NRXN1: variants seen among roughly 807,000 people sequenced by gnomAD.
NRXN1 encodes neurexin 1.
A neutral mutation model predicts 150.9 loss-of-function variants in NRXN1; 39 were observed. That is an observed-to-expected ratio of 0.26 (90% confidence interval 0.20 to 0.34). The LOEUF is 0.34. Among genes scored for constraint, NRXN1 ranks in the 10% least tolerant of loss-of-function variants. The pLI is 1.00. For synonymous variants in NRXN1, 924 were observed against 757.0 expected, an observed-to-expected ratio of 1.22 and a Z score of -3.62; for missense variants, 1,815 against 1,949.9, an observed-to-expected ratio of 0.93 and a Z score of 1.30.
At chr2:49,955,045 A>G (rs1674680355) in intron 21 of NRXN1, among the ~76,000 whole-genome samples, 1 of 152,196 alleles carries the variant, frequency 6.6e-6, no homozygotes, top group African/African-American at 2.4e-5. Context: ...AGCTTAGTTA[A>G]AAGTGAGGGA....
intron 17 of NRXN1, among the ~76,000 whole-genome samples, chr2:50,242,333 A>G (rs2066079908): frequency 6.6e-6 from 1 of 151,840 alleles, no homozygotes; most frequent in Admixed American, 6.6e-5. Flanking sequence ...AGAAGACCAC[A>G]TTGTATGCAA....
chr2:50,075,908 C>G (rs908186380), intron 19 of NRXN1, among the ~76,000 whole-genome samples: 33 of 152,148 alleles, frequency 2.2e-4, no homozygotes, highest in African/African-American at 7.7e-4. Context: ...CGCTGGGACT[C>G]TGGGGCAGCA....
intron 5 of NRXN1, among the ~76,000 whole-genome samples, chr2:50,739,870 C>G (rs1417227290): frequency 1.4e-4 from 21 of 151,954 alleles, no homozygotes; most frequent in Admixed American, 1.4e-3. Flanking sequence ...CTTTTATTGT[C>G]ATTGAAACAT....
intron 17 of NRXN1, among the ~76,000 whole-genome samples, chr2:50,376,686 A>T (rs1166651337): frequency 6.6e-6 from 1 of 152,160 alleles, no homozygotes; most frequent in African/African-American, 2.4e-5. Context: ...ACATAGAGAT[A>T]ATTTTCTCTG....
chr2:50,673,084 G>C (rs1015959177), intron 5 of NRXN1, among the ~76,000 whole-genome samples: 5 of 152,028 alleles, frequency 3.3e-5, no homozygotes, highest in Non-Finnish European at 5.9e-5. Flanking sequence ...ATATTTGAAA[G>C]GAGTGGAGAA....
chr2:50,426,624 C>G (rs1407457128), intron 17 of NRXN1, among the ~76,000 whole-genome samples: 1 of 152,134 alleles, frequency 6.6e-6, no homozygotes, highest in Non-Finnish European at 1.5e-5. Context: ...TGTACCAATT[C>G]TTTAGAGGTC....
At chr2:50,173,473 A>G (rs1463908670) in intron 18 of NRXN1, among the ~76,000 whole-genome samples, 1 of 152,198 alleles carries the variant, frequency 6.6e-6, no homozygotes, top group Non-Finnish European at 1.5e-5. Context: ...TGAGTACAGT[A>G]TCCAAAACTA....
intron 17 of NRXN1, among the ~76,000 whole-genome samples, chr2:50,461,014 GT>G (rs1164503049): frequency 2.0e-5 from 3 of 151,834 alleles, no homozygotes; most frequent in African/African-American, 7.3e-5. Flanking sequence ...TCAGATCCAG[GT>G]TTTTAAAAAT....
intron 18 of NRXN1, among the ~76,000 whole-genome samples, chr2:50,193,743 G>A (rs942664692): frequency 2.0e-5 from 3 of 151,916 alleles, no homozygotes; most frequent in African/African-American, 7.3e-5. Context: ...GAAAAATGGG[G>A]TCAATTATTG....
intron 21 of NRXN1, among the ~76,000 whole-genome samples, chr2:50,048,499 C>G (rs1388425525): frequency 6.6e-6 from 1 of 151,954 alleles, no homozygotes; most frequent in African/African-American, 2.4e-5. Flanking sequence ...ATTTTGTTAG[C>G]TCTAAATATT....
rs559601910 is a variant in NRXN1, at chr2:49,920,816, TGA to T, written c.*1126_*1127del. The T allele has an allele frequency of 9.1e-4, 139 of 152,526 alleles. No homozygotes were observed. Among genetic ancestry groups the T allele is most frequent in the African/African-American group, 3.2e-3 (131 of 41,480 alleles). 9.4% of individuals were successfully genotyped at this position (152,526 alleles called of 1,614,324 possible). On this transcript the variant is annotated 3_prime_UTR_variant, in exon 23 of 23. Coordinates refer to ENST00000401669, the MANE Select transcript of NRXN1 (RefSeq NM_001330078.2). ...ATTATAAGATACATATGTATATATG[TGA>T]CTTTCTAATTCACACCTTTCATACA... is the stretch of plus-strand genomic sequence containing the variant.
chr2:50,556,187 AT>A (rs1177651836), intron 8 of NRXN1, among the ~76,000 whole-genome samples: 2 of 152,022 alleles, frequency 1.3e-5, no homozygotes, highest in Non-Finnish European at 2.9e-5. Flanking sequence ...TAATTACCCT[AT>A]TTTTCTAAAG....
At chr2:50,843,114 G>T (rs1255522172) in intron 5 of NRXN1, among the ~76,000 whole-genome samples, 6 of 152,068 alleles carry the variant, frequency 3.9e-5, no homozygotes, top group African/African-American at 1.2e-4. Flanking sequence ...TGGCTACCTG[G>T]AATATAAGAC....
chr2:50,062,889 C>T (rs76484461), intron 19 of NRXN1, among the ~76,000 whole-genome samples: 2,141 of 152,138 alleles, frequency 0.014, 52 homozygotes, highest in African/African-American at 0.049. Context: ...AACATTTGTG[C>T]AGAATAATAT....
chr2:50,573,498 A>G (rs919372776), intron 8 of NRXN1, among the ~76,000 whole-genome samples: 2 of 152,176 alleles, frequency 1.3e-5, no homozygotes. Context: ...TATAAGAAAT[A>G]TAAATGTATT....
chr2:50,530,106 T>C (rs1292358927), intron 11 of NRXN1, among the ~76,000 whole-genome samples: 1 of 152,166 alleles, frequency 6.6e-6, no homozygotes, highest in Non-Finnish European at 1.5e-5. Flanking sequence ...CATTTCTATA[T>C]ACGTGTGTTT....
In NRXN1 at chr2:49,919,230, T is replaced by G. The variant is rs1667799000; in HGVS notation, c.*2714A>C. Reference sequence around the variant, plus strand: ...ACTATGCAGGGAACCCTGATATGTTTGGTATGAAGATACTTGGGATTCAAG... The same window carrying G: ...ACTATGCAGGGAACCCTGATATGTTGGGTATGAAGATACTTGGGATTCAAG... On this transcript the variant is annotated 3_prime_UTR_variant, in exon 23 of 23. Transcript: ENST00000401669. The G allele has an allele frequency of 6.6e-6, 1 of 152,190 alleles. No homozygotes were observed. The highest frequency in any genetic ancestry group is 2.4e-5 in the African/African-American group (1 of 41,472). The allele number at this position is 152,190 out of a possible 1,614,324, so 9.4% of individuals were successfully genotyped here.
At chr2:50,053,874 T>C (rs1693185120) in intron 20 of NRXN1, among the ~76,000 whole-genome samples, 1 of 152,232 alleles carries the variant, frequency 6.6e-6, no homozygotes, top group African/African-American at 2.4e-5. Flanking sequence ...TTTTCCCTTT[T>C]ACATCAAGAT....
At chr2:50,164,790 A>G (rs2059573288) in intron 18 of NRXN1, among the ~76,000 whole-genome samples, 1 of 152,192 alleles carries the variant, frequency 6.6e-6, no homozygotes, top group African/African-American at 2.4e-5. Flanking sequence ...AATGGAGAAT[A>G]CAGAGGTTGT....
Sources: allele counts gnomAD v4.1 joint callset (sites outside exome capture counted in the v4.1 genomes callset), GRCh38; gene constraint gnomAD v4.1.1; transcripts MANE v1.5; gene names NCBI Gene and HGNC (gene_info 2026-07-23, HGNC 2026-07-21).